FAM156A: variants seen among roughly 807,000 people sequenced by gnomAD.
The protein encoded by FAM156A is protein FAM156A/FAM156B.
chrX:52,983,917 T>A (rs1219272128), intron 1 of FAM156A, among the ~76,000 whole-genome samples: 1 of 112,432 alleles, frequency 8.9e-6, no homozygotes, highest in Non-Finnish European at 1.9e-5. Flanking sequence ...TCATCACCCA[T>A]TACTCCTTCA....
intron 1 of FAM156A, among the ~76,000 whole-genome samples, chrX:52,979,548 A>G (rs1556792986): frequency 9.0e-6 from 1 of 110,594 alleles, no homozygotes; most frequent in African/African-American, 3.3e-5. Flanking sequence ...CTCCCACAGC[A>G]CACACCTGTC....
chrX:52,974,652 A>G (rs1471173801), intron 1 of FAM156A, among the ~76,000 whole-genome samples: 1 of 111,086 alleles, frequency 9.0e-6, no homozygotes, highest in East Asian at 2.8e-4. Context: ...CTTAAGGGGC[A>G]TGAATCTCAA....
chrX:52,978,938 C>G (rs1929676871), intron 1 of FAM156A, among the ~76,000 whole-genome samples: 1 of 112,257 alleles, frequency 8.9e-6, no homozygotes, highest in African/African-American at 3.2e-5. Flanking sequence ...AACCTAGGAT[C>G]TTTTAAAAGT....
At chrX:52,992,246 C>A (rs1431606915) in intron 1 of FAM156A, among the ~76,000 whole-genome samples, 1 of 111,388 alleles carries the variant, frequency 9.0e-6, no homozygotes, top group Admixed American at 9.5e-5. Context: ...GCCCACATGT[C>A]CTGGGCTATT....
chrX:52,981,823 G>A (rs1929935234), intron 1 of FAM156A, among the ~76,000 whole-genome samples: 1 of 109,313 alleles, frequency 9.1e-6, no homozygotes, highest in African/African-American at 3.3e-5. Flanking sequence ...TGAATGAGGA[G>A]CTTTTTTTTT....
At chrX:52,977,109 T>C (rs1001367803) in intron 1 of FAM156A, among the ~76,000 whole-genome samples, 1,412 of 105,470 alleles carry the variant, frequency 0.013, 12 homozygotes, top group Non-Finnish European at 0.019. Context: ...CACACACATA[T>C]ATATATATAT....
intron 1 of FAM156A, among the ~76,000 whole-genome samples, chrX:52,973,640 A>T (rs782778633): frequency 8.9e-6 from 1 of 112,099 alleles, no homozygotes; most frequent in African/African-American, 3.2e-5. Context: ...ACAGTACTGG[A>T]CACGGAACAA....
chrX:52,987,130 A>G (rs1471223196), intron 1 of FAM156A, among the ~76,000 whole-genome samples: 2 of 111,845 alleles, frequency 1.8e-5, no homozygotes, highest in Non-Finnish European at 3.8e-5. Context: ...AACCTAACAA[A>G]ACATGTGCAG....
chrX:52,977,105 CATATATATATAT>C (rs59645649), intron 1 of FAM156A, among the ~76,000 whole-genome samples: 4 of 97,630 alleles, frequency 4.1e-5, no homozygotes, highest in Admixed American at 2.3e-4. Flanking sequence ...CACACACACA[CATATATATATAT>C]ATATATATAT....
chrX:52,986,401 A>G (rs1490407050), intron 1 of FAM156A, among the ~76,000 whole-genome samples: 2 of 110,762 alleles, frequency 1.8e-5, no homozygotes, highest in Non-Finnish European at 3.8e-5. Flanking sequence ...TCCCTCATGA[A>G]CATAGATTCA....
At chrX:52,994,741 G>C (rs962061892) in intron 1 of FAM156A, among the ~76,000 whole-genome samples, 3 of 111,456 alleles carry the variant, frequency 2.7e-5, no homozygotes, top group Non-Finnish European at 5.7e-5. Context: ...TTGGGAGACC[G>C]AGGTGGGAGG....
chrX:52,984,622 C>A (rs1459653616), intron 1 of FAM156A, among the ~76,000 whole-genome samples: 1 of 111,801 alleles, frequency 8.9e-6, no homozygotes, highest in Admixed American at 9.5e-5. Flanking sequence ...AATCCCAGAA[C>A]TTTGGGAGGC....
In FAM156A at chrX:52,990,797, G is replaced by A. The variant is rs977395788; in HGVS notation, c.-434+4509C>T. On this transcript the variant is annotated intron_variant, in intron 1 of 4. Coordinates refer to the FAM156A transcript ENST00000610625. The stretch of plus-strand genomic sequence containing the variant: ...AGACTGTCAAGAAAAGAAAAGAAAA[G>A]AAAGAAAAGAAAAGAAAAGAAAAGA... Among the ~76,000 whole-genome samples, 60 of 69,549 alleles carry A rather than the reference G, an allele frequency of 8.6e-4. 1 individual carries two copies. Among genetic ancestry groups the A allele is most frequent in the African/African-American group, 3.5e-3 (60 of 17,051 alleles). 60.4% of individuals were successfully genotyped at this position (69,549 alleles called of 115,157 possible). A position where few individuals can be genotyped will look rare whatever the true frequency, so the allele number is the denominator to read the frequency against.
intron 1 of FAM156A, among the ~76,000 whole-genome samples, chrX:52,977,783 C>T (rs782028000): frequency 9.9e-5 from 11 of 111,397 alleles, no homozygotes; most frequent in Non-Finnish European, 1.7e-4. Flanking sequence ...ATACAACAGA[C>T]GAGGTGAATA....
chrX:52,991,930 C>T (rs1309801729), intron 1 of FAM156A, among the ~76,000 whole-genome samples: 1 of 106,803 alleles, frequency 9.4e-6, no homozygotes, highest in African/African-American at 3.5e-5. Flanking sequence ...TGATGACAGA[C>T]GAGCAAAGGG....
rs1156303085 is a variant in FAM156A at position 52,980,782 on chromosome X, CTGTGTGTGTGTGTGTGTGTGTGTGTG to C, written c.-434+14498_-434+14523del. Among the ~76,000 whole-genome samples, 109 of 38,453 alleles carry C rather than the reference CTGTGTGTGTGTGTGTGTGTGTGTGTG, an allele frequency of 2.8e-3. 1 individual carries two copies. Among genetic ancestry groups the C allele is most frequent in the African/African-American group, 4.8e-3 (47 of 9,726 alleles). The allele number at this position is 38,453 out of a possible 115,157, so 33.4% of individuals were successfully genotyped here. A position where few individuals can be genotyped will look rare whatever the true frequency, so the allele number is the denominator to read the frequency against. On this transcript the variant is annotated intron_variant, in intron 1 of 4. Coordinates refer to the FAM156A transcript ENST00000610625. ...AAGCAGCCTTTTGGTTAGGGTTCCTCTGTGTGTGTGTGTGTGTGTGTGTGTGTGTGTGTGTGTGTGTGTGTGTGTGT... is the reference window on the plus strand; with the variant it reads ...AAGCAGCCTTTTGGTTAGGGTTCCTCTGTGTGTGTGTGTGTGTGTGTGTGT...
rs369187614 is a variant in FAM156A, at chrX:52,985,585, G to A, written c.-434+9721C>T. Among the ~76,000 whole-genome samples the A allele has an allele frequency of 6.2e-3, 682 of 109,722 alleles. 11 individuals are homozygous for A. Among genetic ancestry groups the A allele is most frequent in the African/African-American group, 0.021 (647 of 30,110 alleles). ...TCGATAAGACTGAAAACAAAAAAAAGAACAGACAAAATCAATGGCCCAAAA... is the reference window on the plus strand; with the variant it reads ...TCGATAAGACTGAAAACAAAAAAAAAAACAGACAAAATCAATGGCCCAAAA... On this transcript the variant is annotated intron_variant, in intron 1 of 4. Transcript: ENST00000610625.
At chrX:52,989,531 G>A (rs928549112) in intron 1 of FAM156A, among the ~76,000 whole-genome samples, 1 of 112,751 alleles carries the variant, frequency 8.9e-6, no homozygotes, top group African/African-American at 3.2e-5. Flanking sequence ...GTAGAGGGCA[G>A]CAGCTGGGCC....
intron 1 of FAM156A, among the ~76,000 whole-genome samples, chrX:52,990,779 C>CAAGAA (rs1414597453): frequency 0.01 from 387 of 37,931 alleles, 8 homozygotes; most frequent in African/African-American, 0.035. Flanking sequence ...GTGAGACTGT[C>CAAGAA]AAGAAAAGAA....
Sources: allele counts gnomAD v4.1 joint callset (sites outside exome capture counted in the v4.1 genomes callset), GRCh38; gene constraint gnomAD v4.1.1; transcripts MANE v1.5; gene names NCBI Gene and HGNC (gene_info 2026-07-23, HGNC 2026-07-21).